The following ARMCX4 variants were observed in gnomAD, a reference collection of about 807,000 sequenced individuals.
ARMCX4 encodes armadillo repeat-containing X-linked protein 4.
In ARMCX4, 3 loss-of-function variants were observed where a neutral mutation model predicts 34.7. The ratio of observed to expected loss-of-function variants is 0.09; its 90% CI spans 0.04 to 0.22. The LOEUF (loss-of-function observed/expected upper bound fraction) is 0.22. Ranked by LOEUF, ARMCX4 falls within the 10% of genes least tolerant of loss-of-function variation. ARMCX4 has a pLI of 1.00. For missense variants in ARMCX4, 1,448 were observed against 1,720.8 expected (o/e 0.84, Z 2.81); for synonymous variants, 513 against 632.8 (o/e 0.81, Z 2.84).
At chrX:101,423,698 A>G (rs782674531) in intron 2 of ARMCX4, among the ~76,000 whole-genome samples, 1 of 111,033 alleles carries the variant, frequency 9.0e-6, no homozygotes, top group Non-Finnish European at 1.9e-5. Flanking sequence ...GCTCCTAGGT[A>G]GATTTAGGAC....
intron 4 of ARMCX4, among the ~76,000 whole-genome samples, chrX:101,466,806 A>G (rs113475476): frequency 0.02 from 2,288 of 111,960 alleles, 30 homozygotes; most frequent in Admixed American, 0.05. Flanking sequence ...ACATGACTAC[A>G]TACACTTGCC....
In ARMCX4 at chrX:101,492,963, T is replaced by C; in HGVS notation, c.4374T>C (p.Ser1458=). The change falls in exon 6 of 6, where the codon AGT becomes AGC. Residue 1458 remains serine (S), a synonymous_variant. Coordinates refer to ENST00000423738, the MANE Select transcript of ARMCX4 (RefSeq NM_001256155.3). ...GSWTGAGHPA[S]VGPKPIFEDQ... ...GGACTGGGGCTGGGCATCCAGCTAG[T>C]GTTGGGCCAAAGCCTATATTTGAGG... The C allele has an allele frequency of 1.7e-6, 2 of 1,150,548 alleles. No individual in the cohort carries two copies. The highest frequency in any genetic ancestry group is 2.6e-5 in the Admixed American group (1 of 38,424). The allele number at this position is 1,150,548 out of a possible 1,213,427, so 94.8% of individuals were successfully genotyped here.
chrX:101,453,338 C>A (rs1397692128), intron 4 of ARMCX4, among the ~76,000 whole-genome samples: 1 of 112,244 alleles, frequency 8.9e-6, no homozygotes, highest in Non-Finnish European at 1.9e-5. Context: ...CTCTAAGCCC[C>A]TAATTGCTCA....
chrX:101,491,614 A>G lies in ARMCX4; in HGVS notation c.3025A>G (p.Lys1009Glu). The change falls in exon 6 of 6, where the codon AAG becomes GAG. Residue 1009 changes from lysine (K) to glutamate (E), a missense_variant. Transcript: ENST00000423738. The part of the protein sequence containing the change: ...ETLLGARNKV[K>E]GNTIAVPKAG... Reference sequence around the variant, plus strand: ...CTTGCTTGGTGCCAGGAATAAGGTCAAGGGCAATACCATTGCTGTGCCTAA... The same window carrying G: ...CTTGCTTGGTGCCAGGAATAAGGTCGAGGGCAATACCATTGCTGTGCCTAA... 1 of 1,156,600 alleles carries G rather than the reference A, an allele frequency of 8.6e-7. No homozygotes were observed.
intron 10 of ARMCX4, among the ~76,000 whole-genome samples, chrX:101,510,052 C>T (rs1556016033): frequency 1.8e-5 from 2 of 111,702 alleles, no homozygotes; most frequent in Non-Finnish European, 3.8e-5. Context: ...CACTCAGTTC[C>T]CCTTTTCCGA....
At chrX:101,421,589 T>C (rs1051813054) in intron 2 of ARMCX4, among the ~76,000 whole-genome samples, 2 of 111,435 alleles carry the variant, frequency 1.8e-5, no homozygotes, top group South Asian at 7.5e-4. Flanking sequence ...GGTTAAGGTG[T>C]GGGCAGGTTT....
At chrX:101,475,406 A>G (rs782466320) in intron 4 of ARMCX4, among the ~76,000 whole-genome samples, 5 of 111,594 alleles carry the variant, frequency 4.5e-5, no homozygotes, top group Admixed American at 9.6e-5. Context: ...TACAAATAGA[A>G]TGCATAACCT....
intron 2 of ARMCX4, among the ~76,000 whole-genome samples, chrX:101,423,956 C>T (rs781805778): frequency 2.7e-5 from 3 of 111,300 alleles, no homozygotes; most frequent in South Asian, 3.8e-4. Context: ...CTCCATCTCA[C>T]GGGTTCAAGC....
chrX:101,430,963 A>G (rs1356321676), intron 2 of ARMCX4, among the ~76,000 whole-genome samples: 4 of 111,037 alleles, frequency 3.6e-5, no homozygotes, highest in Non-Finnish European at 7.5e-5. Context: ...AATTCATGGG[A>G]TCCTGGGAAG....
At position 101,489,708 on chromosome X, in the gene ARMCX4, G is replaced by T. The variant is rs781807867; in HGVS notation, c.1119G>T (p.Thr373=). The T allele has an allele frequency of 1.7e-6, 2 of 1,154,584 alleles. No homozygotes were observed. Among genetic ancestry groups the T allele is most frequent in the South Asian group, 3.8e-5 (2 of 52,631 alleles). ...QTVAKKQAEV[T]SGARVDGRGN... ...TGGCCAAGAAACAGGCTGAGGTGACGTCTGGTGCCAGGGTTGATGGTAGGG... is the reference window on the plus strand; with the variant it reads ...TGGCCAAGAAACAGGCTGAGGTGACTTCTGGTGCCAGGGTTGATGGTAGGG... The change falls in exon 6 of 6, where the codon ACG becomes ACT. Residue 373 remains threonine (T), a synonymous_variant. Transcript: ENST00000423738.
intron 2 of ARMCX4, among the ~76,000 whole-genome samples, chrX:101,433,134 G>T (rs1340861826): frequency 9.9e-6 from 1 of 100,860 alleles, no homozygotes; most frequent in Non-Finnish European, 2.0e-5. Flanking sequence ...ATACATATTT[G>T]TATATATACT....
intron 11 of ARMCX4, among the ~76,000 whole-genome samples, chrX:101,523,680 TGG>T (rs1934902367): frequency 3.6e-5 from 4 of 111,369 alleles, no homozygotes; most frequent in Admixed American, 2.9e-4. Flanking sequence ...TGTGGGCAGG[TGG>T]TTCAGTATTC....
intron 5 of ARMCX4, 107 bp from the exon 6 acceptor site, chrX:101,488,337 C>T: frequency 2.7e-6 from 2 of 738,329 alleles, no homozygotes; most frequent in Non-Finnish European, 3.8e-6. Context: ...ATCCTCTCTT[C>T]CACCAAGCAC....
At chrX:101,455,155 G>T (rs782813995) in intron 4 of ARMCX4, among the ~76,000 whole-genome samples, 7 of 111,678 alleles carry the variant, frequency 6.3e-5, no homozygotes, top group Non-Finnish European at 1.3e-4. Flanking sequence ...ACAAATGAGA[G>T]GATTCCAGGT....
upstream of ARMCX4, among the ~76,000 whole-genome samples, chrX:101,482,096 T>C (rs1569331716): frequency 9.0e-6 from 1 of 110,519 alleles, no homozygotes; most frequent in Non-Finnish European, 1.9e-5. Flanking sequence ...TAGCTGGGCA[T>C]GGTGGTGCGC....
At chrX:101,498,409 G>T, downstream of ARMCX4, 1 of 206,155 alleles carries the variant, frequency 4.9e-6, no homozygotes, top group Non-Finnish European at 9.0e-6. Flanking sequence ...AACTGGGTTG[G>T]CATACTGGTA....
At chrX:101,470,228 C>T (rs782266029) in intron 4 of ARMCX4, among the ~76,000 whole-genome samples, 8 of 112,325 alleles carry the variant, frequency 7.1e-5, no homozygotes, top group Admixed American at 4.7e-4. Context: ...GGATTAGTTT[C>T]GTTTGTTTTT....
chrX:101,479,583 C>T (rs782780133), intron 4 of ARMCX4, among the ~76,000 whole-genome samples: 2 of 108,319 alleles, frequency 1.8e-5, no homozygotes, highest in Non-Finnish European at 1.9e-5. Context: ...AGGGTTCAAG[C>T]GATTTTCATG....
intron 11 of ARMCX4, among the ~76,000 whole-genome samples, chrX:101,515,379 CTT>C (rs1233345235): frequency 4.7e-4 from 17 of 35,945 alleles, no homozygotes; most frequent in Non-Finnish European, 6.2e-4. Context: ...TTCTTTCTTT[CTT>C]TTTCTTTCTT....
Sources: allele counts gnomAD v4.1 joint callset (sites outside exome capture counted in the v4.1 genomes callset), GRCh38; gene constraint gnomAD v4.1.1; transcripts MANE v1.5; gene names NCBI Gene and HGNC (gene_info 2026-07-23, HGNC 2026-07-21).